The following DISC1 variants were observed in gnomAD, a reference collection of about 807,000 sequenced individuals.
DISC1 encodes the protein disrupted in schizophrenia 1 protein.
A neutral mutation model predicts 84.5 loss-of-function variants in DISC1; 57 were observed. The ratio of observed to expected loss-of-function variants is 0.67; its 90% CI spans 0.55 to 0.84. The LOEUF is 0.84. DISC1 is among the 40% of genes least tolerant of loss of function. The probability of loss-of-function intolerance (pLI) is 0.00; values close to 1 mark genes in which losing one functional copy is unlikely to be tolerated. For synonymous variants in DISC1, 411 were observed against 415.2 expected, an observed-to-expected ratio of 0.99 and a Z score of 0.12; for missense variants, 1,000 against 1,057.8, an observed-to-expected ratio of 0.95 and a Z score of 0.76.
At chr1:232,001,264 A>C (rs1666651191) in intron 10 of DISC1, among the ~76,000 whole-genome samples, 1 of 152,010 alleles carries the variant, frequency 6.6e-6, no homozygotes, top group African/African-American at 2.4e-5. Flanking sequence ...TTTTTAGTAG[A>C]GATGGGGTTT....
intron 7 of DISC1, 116 bp from the exon 8 acceptor site, chr1:231,799,992 T>C (rs1325593292): frequency 7.2e-6 from 5 of 694,036 alleles, no homozygotes; most frequent in Non-Finnish European, 1.3e-5. Context: ...TTCCAATTAC[T>C]TTTCATCACC....
intron 3 of DISC1, among the ~76,000 whole-genome samples, chr1:231,729,412 G>A (rs139815998): frequency 1.3e-5 from 2 of 152,320 alleles, no homozygotes; most frequent in Admixed American, 6.5e-5. Flanking sequence ...CTGAGGAATC[G>A]TATAGAGGCA....
intron 8 of DISC1, among the ~76,000 whole-genome samples, chr1:231,809,618 A>G (rs2080095297): frequency 6.6e-6 from 1 of 151,802 alleles, no homozygotes; most frequent in African/African-American, 2.4e-5. Flanking sequence ...ATTGCACACA[A>G]TTGTATTTTA....
intron 3 of DISC1, among the ~76,000 whole-genome samples, chr1:231,731,869 A>G (rs192342482): frequency 6.6e-6 from 1 of 152,342 alleles, no homozygotes; most frequent in Non-Finnish European, 1.5e-5. Context: ...ACCCTGAGCC[A>G]GACGCTCTGC....
intron 9 of DISC1, among the ~76,000 whole-genome samples, chr1:231,873,250 C>T (rs1253737951): frequency 6.6e-6 from 1 of 152,194 alleles, no homozygotes; most frequent in Non-Finnish European, 1.5e-5. Context: ...GAGTCTTTCC[C>T]ATTAGTGCCC....
At chr1:231,996,181 T>C (rs1238181803) in intron 10 of DISC1, among the ~76,000 whole-genome samples, 2 of 152,190 alleles carry the variant, frequency 1.3e-5, no homozygotes, top group Non-Finnish European at 1.5e-5. Flanking sequence ...CACTTTTTGA[T>C]GGGGTTGTTT....
chr1:231,809,818 C>A (rs1421828810), intron 8 of DISC1, among the ~76,000 whole-genome samples: 2 of 151,994 alleles, frequency 1.3e-5, no homozygotes, highest in African/African-American at 4.8e-5. Flanking sequence ...ATATTTGGCA[C>A]CCAACCAAGA....
At chr1:232,001,270 G>T (rs1220594972) in intron 10 of DISC1, among the ~76,000 whole-genome samples, 1 of 151,880 alleles carries the variant, frequency 6.6e-6, no homozygotes, top group African/African-American at 2.4e-5. Flanking sequence ...GTAGAGATGG[G>T]GTTTCACCAT....
At chr1:231,889,822 G>A (rs954229511) in intron 9 of DISC1, among the ~76,000 whole-genome samples, 8 of 151,696 alleles carry the variant, frequency 5.3e-5, no homozygotes, top group African/African-American at 1.7e-4. Flanking sequence ...TGTCATAGAC[G>A]ACACTGTGTG....
intron 9 of DISC1, among the ~76,000 whole-genome samples, chr1:231,876,307 G>A (rs1262836419): frequency 1.3e-5 from 2 of 152,168 alleles, no homozygotes; most frequent in East Asian, 3.9e-4. Flanking sequence ...GTCATGTGAT[G>A]TGCCTGGCCT....
chr1:232,030,219 TGGG>T (rs1246555110), intron 12 of DISC1, among the ~76,000 whole-genome samples: 3 of 152,246 alleles, frequency 2.0e-5, no homozygotes, highest in Non-Finnish European at 4.4e-5. Flanking sequence ...CACAGTCATC[TGGG>T]GTCCTAATTA....
chr1:231,780,237 T>TAAAAAAAAA (rs11451092), intron 6 of DISC1, among the ~76,000 whole-genome samples: 2 of 103,942 alleles, frequency 1.9e-5, no homozygotes. Flanking sequence ...TAAAGTATAA[T>TAAAAAAAAA]AAAAAAAAAA....
chr1:231,643,133 G>T (rs886953447), intron 1 of DISC1, among the ~76,000 whole-genome samples: 2 of 152,128 alleles, frequency 1.3e-5, no homozygotes, highest in Non-Finnish European at 2.9e-5. Flanking sequence ...TGTTCTTTTA[G>T]CATTGTCTGC....
intron 10 of DISC1, among the ~76,000 whole-genome samples, chr1:231,964,613 C>A (rs1388799539): frequency 6.6e-6 from 1 of 152,236 alleles, no homozygotes; most frequent in Non-Finnish European, 1.5e-5. Context: ...AGAGTGGATG[C>A]TGCAAAAGCC....
chr1:231,711,551 A>G (rs2067850273), intron 3 of DISC1, among the ~76,000 whole-genome samples: 1 of 150,858 alleles, frequency 6.6e-6, no homozygotes, highest in Admixed American at 6.6e-5. Flanking sequence ...GGTATTTTTA[A>G]TAGAGACGGG....
intron 9 of DISC1, among the ~76,000 whole-genome samples, chr1:231,900,850 G>A (rs1558708985): frequency 6.6e-6 from 1 of 152,110 alleles, no homozygotes; most frequent in African/African-American, 2.4e-5. Context: ...TCATCAAAGC[G>A]TATACATTAC....
chr1:231,718,156 C>T (rs985660183), intron 3 of DISC1, among the ~76,000 whole-genome samples: 5 of 152,178 alleles, frequency 3.3e-5, no homozygotes, highest in Non-Finnish European at 5.9e-5. Context: ...CACACGCACT[C>T]GCCTCTTAAT....
intron 10 of DISC1, among the ~76,000 whole-genome samples, chr1:231,996,750 C>G (rs1355952455): frequency 6.6e-6 from 1 of 152,114 alleles, no homozygotes; most frequent in African/African-American, 2.4e-5. Flanking sequence ...AGATGATCTC[C>G]TAGACCCCAT....
At chr1:231,677,115 T>C (rs1440603228) in intron 1 of DISC1, among the ~76,000 whole-genome samples, 1 of 152,264 alleles carries the variant, frequency 6.6e-6, no homozygotes, top group Non-Finnish European at 1.5e-5. Context: ...TTCATGAGTT[T>C]CTTTTACTTG....
Sources: gnomAD v4.1 joint callset for allele counts (sites outside exome capture counted in the v4.1 genomes callset) on GRCh38, gnomAD v4.1.1 for gene constraint, MANE v1.5 for transcripts, NCBI Gene and HGNC (gene_info 2026-07-23, HGNC 2026-07-21) for gene names.